RUBCN: variants seen among roughly 807,000 people sequenced by gnomAD.
RUBCN encodes run domain Beclin-1-interacting and cysteine-rich domain-containing protein.
Under a neutral mutation model 113.2 loss-of-function variants are expected in RUBCN, and 74 were observed. The observed-to-expected ratio is 0.65, with a 90% CI of 0.54 to 0.79. The LOEUF (loss-of-function observed/expected upper bound fraction) is 0.79, where lower values mean the gene tolerates loss of function less well. Ranked by LOEUF, RUBCN falls within the 30% of genes least tolerant of loss-of-function variation. The pLI, the probability that RUBCN is intolerant of heterozygous loss-of-function variation, is 0.00. For missense variants in RUBCN, 1,109 were observed against 1,251.7 expected (o/e 0.89, Z 1.72); for synonymous variants, 480 against 490.0 (o/e 0.98, Z 0.27).
chr3:197,695,774 T>C, intron 9 of RUBCN, 92 bp downstream of exon 9: 2 of 1,139,918 alleles, frequency 1.8e-6, no homozygotes, highest in Non-Finnish European at 2.7e-6. Context: ...CTGTAATCTA[T>C]ACCCAAAACC....
intron 1 of RUBCN, among the ~76,000 whole-genome samples, chr3:197,725,551 C>T (rs1412365165): frequency 8.3e-6 from 1 of 120,170 alleles, no homozygotes; most frequent in African/African-American, 3.3e-5. Flanking sequence ...TTTGTAGAGA[C>T]CAGAGTCTTA....
chr3:197,705,954 C>T (rs935234084), intron 2 of RUBCN, among the ~76,000 whole-genome samples: 10 of 152,128 alleles, frequency 6.6e-5, no homozygotes, highest in Non-Finnish European at 1.0e-4. Context: ...TCTCAAACTC[C>T]GAGCCTCAAG....
intron 2 of RUBCN, among the ~76,000 whole-genome samples, chr3:197,716,477 C>A (rs1725529239): frequency 1.3e-5 from 2 of 152,130 alleles, no homozygotes; most frequent in South Asian, 4.1e-4. Context: ...AATAAGTGAA[C>A]ATATTTTTGC....
chr3:197,671,783 T>G lies in RUBCN; in HGVS notation c.*3235A>C, dbSNP rs1385113236. ...AAGACACCTCATTTTAAGTGACAGT[T>G]ACACCATGCACCAGAAACCCAGAGA... On this transcript the variant is annotated 3_prime_UTR_variant, in exon 20 of 20. Transcript: ENST00000296343. 1 of 152,156 alleles carries G rather than the reference T, an allele frequency of 6.6e-6. No individual in the cohort carries two copies. The allele number at this position is 152,156 out of a possible 1,614,324, so 9.4% of individuals were successfully genotyped here.
chr3:197,734,285 T>C (rs1034312091), intron 1 of RUBCN, among the ~76,000 whole-genome samples: 11 of 150,860 alleles, frequency 7.3e-5, no homozygotes, highest in African/African-American at 2.2e-4. Flanking sequence ...GTGCAGTCTC[T>C]TGGGCCGGCA....
intron 7 of RUBCN, among the ~76,000 whole-genome samples, chr3:197,697,625 A>G (rs1723158365): frequency 6.6e-6 from 1 of 152,136 alleles, no homozygotes; most frequent in Admixed American, 6.5e-5. Context: ...TGAAGAAGGG[A>G]GGGAGGGAAG....
At chr3:197,701,888 A>G (rs200637749) in intron 5 of RUBCN, 24 bp from the exon 6 acceptor site, 266 of 1,612,796 alleles carry the variant, frequency 1.6e-4, no homozygotes, top group Non-Finnish European at 2.2e-4. Context: ...CAAAACCAAA[A>G]AATGTGTCAG....
chr3:197,734,305 A>G lies in RUBCN; in HGVS notation c.65+2350T>C, dbSNP rs1043288732. 2.7e-5 allele frequency among the ~76,000 whole-genome samples: 4 copies of G among 150,000 alleles called. 1 individual carries two copies. In the South Asian group the frequency reaches 6.3e-4, roughly 24 times the overall value. ...GTCTCTTGGGCCGGCATGGTCGCTCATGCCTGTAACCTCAGCACTTTTGAG... is the reference window on the plus strand; with the variant it reads ...GTCTCTTGGGCCGGCATGGTCGCTCGTGCCTGTAACCTCAGCACTTTTGAG... On this transcript the variant is annotated intron_variant, in intron 1 of 19. Transcript: ENST00000296343.
At chr3:197,699,494 G>A (rs935664090) in intron 7 of RUBCN, among the ~76,000 whole-genome samples, 7 of 152,148 alleles carry the variant, frequency 4.6e-5, no homozygotes, top group African/African-American at 1.2e-4. Flanking sequence ...AGAATGGGGC[G>A]GGAAAGTTTT....
intron 1 of RUBCN, among the ~76,000 whole-genome samples, chr3:197,718,975 C>T (rs1479453422): frequency 6.6e-6 from 1 of 152,228 alleles, no homozygotes; most frequent in Non-Finnish European, 1.5e-5. Context: ...GGCCAATGGA[C>T]TGCCAACTTT....
intron 7 of RUBCN, chr3:197,700,315 T>C (rs1046107953): frequency 7.6e-6 from 4 of 524,382 alleles, no homozygotes; most frequent in Non-Finnish European, 1.0e-5. Flanking sequence ...CTTTCCCCAA[T>C]CCAAGAGATA....
At chr3:197,703,742 T>C in intron 4 of RUBCN, 88 bp from the exon 5 acceptor site, 1 of 805,812 alleles carries the variant, frequency 1.2e-6, no homozygotes, top group Non-Finnish European at 2.1e-6. Context: ...GAGGTAAGGA[T>C]GAATGAGGAG....
intron 7 of RUBCN, chr3:197,699,051 T>C: frequency 1.4e-6 from 1 of 713,822 alleles, no homozygotes; most frequent in Non-Finnish European, 2.6e-6. Flanking sequence ...CTGGTATCAT[T>C]TTATAGACAG....
upstream of RUBCN, chr3:197,737,017 ACGG>A: frequency 1.1e-6 from 1 of 921,778 alleles, no homozygotes; most frequent in East Asian, 7.2e-5. Context: ...CGCCCCTCCA[ACGG>A]CAGGCCGCTC....
intron 1 of RUBCN, among the ~76,000 whole-genome samples, chr3:197,732,062 AGAG>A (rs1727570414): frequency 1.3e-5 from 2 of 152,236 alleles, no homozygotes; most frequent in African/African-American, 4.8e-5. Context: ...AACAGAGATC[AGAG>A]GAGGGGCAGG....
chr3:197,741,945 T>C (rs1010117461), intron 1 of RUBCN, among the ~76,000 whole-genome samples: 2 of 151,812 alleles, frequency 1.3e-5, no homozygotes, highest in Non-Finnish European at 2.9e-5. Flanking sequence ...TCACCCAGGC[T>C]GGAGTGCAGT....
intron 14 of RUBCN, among the ~76,000 whole-genome samples, chr3:197,682,129 A>G (rs763445451): frequency 6.6e-6 from 1 of 152,186 alleles, no homozygotes; most frequent in African/African-American, 2.4e-5. Context: ...CTGTACAAAT[A>G]TAAGGAATGA....
chr3:197,725,520 C>CTATTTTTTT, intron 1 of RUBCN, among the ~76,000 whole-genome samples: 1 of 75,316 alleles, frequency 1.3e-5, no homozygotes, highest in Non-Finnish European at 2.4e-5. Flanking sequence ...ACAGGAGAAT[C>CTATTTTTTT]TTTTTTTTTT....
At position 197,736,671 on chromosome 3, in the gene RUBCN, G is replaced by T. The variant is rs576156403; in HGVS notation, c.49C>A (p.Leu17Met). Residue 17 changes from leucine (L) to methionine (M), a missense_variant, in exon 1 of 20, where the codon CTG becomes ATG. Leu to Met is a conservative substitution (Grantham distance 15, BLOSUM62 2). Transcript: ENST00000296343. ...CCAGCCCACCTGCTCTCCTCAGGCA[G>T]GCGCTCCTCGCCGCCTCCGAGCTCC... ...GMELGGGEERLPEESRREHWQ... is the reference protein window; with the variant it reads ...GMELGGGEERMPEESRREHWQ... The T allele has an allele frequency of 2.0e-6, 3 of 1,532,454 alleles. No individual in the cohort carries two copies. Among genetic ancestry groups the T allele is most frequent in the South Asian group, 1.2e-5 (1 of 83,896 alleles). The allele number at this position is 1,532,454 out of a possible 1,614,324, so 94.9% of individuals were successfully genotyped here.
Sources: gnomAD v4.1 joint callset for allele counts (sites outside exome capture counted in the v4.1 genomes callset) on GRCh38, gnomAD v4.1.1 for gene constraint, MANE v1.5 for transcripts, NCBI Gene and HGNC (gene_info 2026-07-23, HGNC 2026-07-21) for gene names.